ANXA10: variants seen among roughly 807,000 people sequenced by gnomAD.
The protein encoded by ANXA10 is annexin 14.
In ANXA10, 49 loss-of-function variants were observed where a neutral mutation model predicts 53.5. That is an observed-to-expected ratio of 0.92 (90% confidence interval 0.73 to 1.16). The LOEUF (loss-of-function observed/expected upper bound fraction) is 1.16, where lower values mean the gene tolerates loss of function less well. Ranked by LOEUF, ANXA10 falls within the 50% of genes most tolerant of loss-of-function variation. ANXA10 has a pLI of 0.00. For synonymous variants in ANXA10, 131 were observed against 128.9 expected (o/e 1.02, Z -0.11); for missense variants, 393 against 394.4 (o/e 1.00, Z 0.03).
In ANXA10 at chr4:168,184,649, C is replaced by A; in HGVS notation, c.874C>A (p.Arg292=). ...LLTIRKRYKE[R]YGKSLFHDIR... is the part of the protein sequence containing the mutation. ...GACCATAAGGAAACGATACAAAGAG[C>A]GATATGGAAAATCCCTATTTCATGA... The change falls in exon 11 of 12, where the codon CGA becomes AGA. Residue 292 remains arginine, a synonymous_variant. Transcript: ENST00000359299. 1 of 1,613,866 alleles carries A rather than the reference C, an allele frequency of 6.2e-7. No homozygotes were observed. Among genetic ancestry groups the A allele is most frequent in the Non-Finnish European group, 8.5e-7 (1 of 1,179,866 alleles).
chr4:168,162,539 G>T lies in ANXA10; in HGVS notation c.207G>T (p.Gly69=), dbSNP rs777178434. 3 of 1,613,578 alleles carry T rather than the reference G, an allele frequency of 1.9e-6. No homozygotes were observed. The highest frequency in any genetic ancestry group is 2.5e-6 in the Non-Finnish European group (3 of 1,179,628). The change falls in exon 4 of 12, where the codon GGG becomes GGT. Residue 69 remains glycine, a synonymous_variant. Coordinates refer to ENST00000359299, the MANE Select transcript of ANXA10 (RefSeq NM_007193.5). ...TTTTTCCTCCACAGGACCTGATTGG[G>T]GATATGAGGGAGCAGCTTTCGGATC... The part of the protein sequence containing the change: ...YQSMYGRDLI[G]DMREQLSDHF...
At chr4:168,133,689 C>A (rs1057430849) in intron 2 of ANXA10, among the ~76,000 whole-genome samples, 1 of 151,974 alleles carries the variant, frequency 6.6e-6, no homozygotes, top group Non-Finnish European at 1.5e-5. Context: ...TTTCAGTTGA[C>A]AAAAAATATT....
intron 2 of ANXA10, among the ~76,000 whole-genome samples, chr4:168,139,181 T>C (rs920878494): frequency 8.5e-5 from 13 of 152,326 alleles, no homozygotes; most frequent in African/African-American, 3.1e-4. Context: ...GTTTCTGTTC[T>C]CAGGGGGAAA....
intron 11 of ANXA10, 125 bp downstream of exon 11, chr4:168,184,806 C>T (rs1408442220): frequency 7.6e-7 from 1 of 1,312,818 alleles, no homozygotes; most frequent in East Asian, 2.4e-5. Flanking sequence ...CAGGGATAAC[C>T]TAGTTTTTTT....
chr4:168,156,226 ATT>A (rs1731669457), intron 3 of ANXA10, among the ~76,000 whole-genome samples: 2 of 16,352 alleles, frequency 1.2e-4, no homozygotes, highest in African/African-American at 3.9e-4. Flanking sequence ...TGTAATATGT[ATT>A]ATATTATATA....
intron 9 of ANXA10, 75 bp from the exon 10 acceptor site, chr4:168,181,605 GTTA>G (rs1288933840): frequency 8.8e-7 from 1 of 1,137,046 alleles, no homozygotes; most frequent in Non-Finnish European, 1.3e-6. Flanking sequence ...CAGGAAAAGT[GTTA>G]TTGTTTCTCA....
At chr4:168,105,433 C>T (rs960609537) in intron 1 of ANXA10, among the ~76,000 whole-genome samples, 1 of 152,080 alleles carries the variant, frequency 6.6e-6, no homozygotes, top group Non-Finnish European at 1.5e-5. Flanking sequence ...CATGTTTCTG[C>T]AAAGCACACA....
chr4:168,114,699 G>T (rs544574912), intron 1 of ANXA10, among the ~76,000 whole-genome samples: 1 of 152,058 alleles, frequency 6.6e-6, no homozygotes, highest in East Asian at 1.9e-4. Context: ...GTGTCCATGT[G>T]TTCTCATCAT....
chr4:168,131,812 A>G (rs1731160270), intron 2 of ANXA10, among the ~76,000 whole-genome samples: 1 of 151,966 alleles, frequency 6.6e-6, no homozygotes, highest in South Asian at 2.1e-4. Context: ...TAGCTACTCC[A>G]ACTTTCTTTT....
intron 3 of ANXA10, among the ~76,000 whole-genome samples, chr4:168,151,265 T>C (rs543151485): frequency 2.0e-5 from 3 of 152,282 alleles, no homozygotes; most frequent in Non-Finnish European, 2.9e-5. Context: ...GAAAAAGCCA[T>C]ATAAGTGAAA....
chr4:168,121,852 T>C (rs1214805758), intron 1 of ANXA10, among the ~76,000 whole-genome samples: 2 of 152,162 alleles, frequency 1.3e-5, no homozygotes, highest in African/African-American at 2.4e-5. Flanking sequence ...TGTTTTGTTT[T>C]TGTTTTTCTG....
At chr4:168,147,805 G>A (rs549368932) in intron 3 of ANXA10, among the ~76,000 whole-genome samples, 2 of 152,140 alleles carry the variant, frequency 1.3e-5, no homozygotes, top group East Asian at 3.9e-4. Flanking sequence ...AAGGCAAATG[G>A]GCATGGCCCT....
At chr4:168,122,543 A>T (rs966162635) in intron 1 of ANXA10, among the ~76,000 whole-genome samples, 2 of 152,218 alleles carry the variant, frequency 1.3e-5, no homozygotes, top group African/African-American at 4.8e-5. Flanking sequence ...GAGACTGAGT[A>T]ATTTATAAGG....
chr4:168,094,133 C>G (rs1259706952), intron 1 of ANXA10, among the ~76,000 whole-genome samples: 1 of 151,920 alleles, frequency 6.6e-6, no homozygotes. Flanking sequence ...TTTATATGCC[C>G]ATTTTTCAAA....
intron 3 of ANXA10, among the ~76,000 whole-genome samples, chr4:168,147,019 C>T (rs1369233048): frequency 3.3e-5 from 5 of 152,172 alleles, no homozygotes; most frequent in Non-Finnish European, 7.3e-5. Context: ...GTGAACCAGG[C>T]CATGGCATTT....
At chr4:168,166,530 G>A (rs749671358) in intron 6 of ANXA10, among the ~76,000 whole-genome samples, 3 of 152,050 alleles carry the variant, frequency 2.0e-5, no homozygotes, top group Non-Finnish European at 4.4e-5. Context: ...GAGAAAGAGG[G>A]TCAGTGTTCA....
intron 2 of ANXA10, among the ~76,000 whole-genome samples, chr4:168,134,965 T>C (rs1731213895): frequency 6.6e-6 from 1 of 152,240 alleles, no homozygotes; most frequent in African/African-American, 2.4e-5. Flanking sequence ...TCAAAAAAGA[T>C]GATTTGCTTA....
chr4:168,121,668 A>G (rs1730986715), intron 1 of ANXA10, among the ~76,000 whole-genome samples: 1 of 152,182 alleles, frequency 6.6e-6, no homozygotes, highest in Non-Finnish European at 1.5e-5. Flanking sequence ...TCCAAGTTTC[A>G]TTGTTTTAGA....
intron 5 of ANXA10, 82 bp from the exon 6 acceptor site, chr4:168,165,164 TG>T: frequency 1.2e-6 from 1 of 856,508 alleles, no homozygotes. Context: ...TACTCACAAC[TG>T]GGAAATAACA....
Sources: allele counts gnomAD v4.1 joint callset (sites outside exome capture counted in the v4.1 genomes callset), GRCh38; gene constraint gnomAD v4.1.1; transcripts MANE v1.5; gene names NCBI Gene and HGNC (gene_info 2026-07-23, HGNC 2026-07-21).